The following GRIA3 variants were observed in gnomAD, a reference collection of about 807,000 sequenced individuals.
GRIA3 encodes the protein glutamate receptor 3.
In GRIA3, 3 loss-of-function variants were observed where a neutral mutation model predicts 63.0. The observed-to-expected ratio is 0.05, with a 90% CI of 0.02 to 0.12. The LOEUF (loss-of-function observed/expected upper bound fraction) is 0.12. Ranked by LOEUF, GRIA3 falls within the 10% of genes least tolerant of loss-of-function variation. The pLI is 1.00. For synonymous variants in GRIA3, 274 were observed against 257.9 expected, an observed-to-expected ratio of 1.06 and a Z score of -0.60; for missense variants, 347 against 700.9, an observed-to-expected ratio of 0.50 and a Z score of 5.70.
intron 1 of GRIA3, among the ~76,000 whole-genome samples, chrX:123,185,508 A>AGGGGGGGGGGGGGG (rs3216834): frequency 1.1e-3 from 46 of 40,964 alleles, no homozygotes; most frequent in African/African-American, 1.4e-3. Flanking sequence ...CGGGGGGCGG[A>AGGGGGGGGGGGGGG]GGGGGGGGGC....
intron 2 of GRIA3, among the ~76,000 whole-genome samples, chrX:123,240,962 T>C (rs1184295907): frequency 8.9e-6 from 1 of 112,072 alleles, no homozygotes; most frequent in Non-Finnish European, 1.9e-5. Context: ...CCAAAGTCAG[T>C]GTTAAGAATC....
intron 10 of GRIA3, among the ~76,000 whole-genome samples, chrX:123,416,713 G>T (rs2045538247): frequency 1.8e-5 from 2 of 112,567 alleles, no homozygotes; most frequent in Non-Finnish European, 3.8e-5. Flanking sequence ...CCTTGTTATT[G>T]CCCAGGCAAA....
chrX:123,186,791 TGGAGCA>T (rs1028953017), intron 2 of GRIA3, among the ~76,000 whole-genome samples: 28 of 111,465 alleles, frequency 2.5e-4, no homozygotes, highest in African/African-American at 8.2e-4. Flanking sequence ...AGAGGAGGCT[TGGAGCA>T]GGAAAACTGA....
intron 3 of GRIA3, among the ~76,000 whole-genome samples, chrX:123,280,115 A>T (rs918848406): frequency 1.8e-5 from 2 of 111,759 alleles, no homozygotes; most frequent in African/African-American, 3.3e-5. Context: ...AATCAAATGA[A>T]GATCAGCAGC....
chrX:123,189,301 G>C (rs924303243), intron 2 of GRIA3, among the ~76,000 whole-genome samples: 3 of 112,396 alleles, frequency 2.7e-5, no homozygotes, highest in Non-Finnish European at 5.6e-5. Context: ...TATATGAAGA[G>C]AGATGTATAC....
At chrX:123,376,081 T>G (rs5956542) in intron 5 of GRIA3, among the ~76,000 whole-genome samples, 43,112 of 110,529 alleles carry the variant, frequency 0.39, 6,550 homozygotes, top group Middle Eastern at 0.61. Flanking sequence ...AATATTAACA[T>G]TCCTAGCATA....
intron 3 of GRIA3, among the ~76,000 whole-genome samples, chrX:123,316,096 C>T (rs1314411734): frequency 1.4e-4 from 15 of 108,691 alleles, no homozygotes; most frequent in African/African-American, 4.4e-4. Flanking sequence ...AAATGTCAAA[C>T]TTTTATTCAT....
intron 5 of GRIA3, among the ~76,000 whole-genome samples, chrX:123,376,503 A>T (rs769350522): frequency 2.1e-4 from 24 of 112,263 alleles, no homozygotes; most frequent in African/African-American, 7.8e-4. Flanking sequence ...GTTTGCACAT[A>T]TCATGATAGA....
chrX:123,302,919 A>G (rs2044732619), intron 3 of GRIA3, among the ~76,000 whole-genome samples: 1 of 111,144 alleles, frequency 9.0e-6, no homozygotes, highest in Non-Finnish European at 1.9e-5. Context: ...TTAATATTAC[A>G]CACTCACAAT....
chrX:123,343,887 T>C (rs2045026474), intron 4 of GRIA3, among the ~76,000 whole-genome samples: 1 of 109,864 alleles, frequency 9.1e-6, no homozygotes, highest in African/African-American at 3.3e-5. Flanking sequence ...TGAGTAGAGA[T>C]AGGGATGGGA....
At chrX:123,359,476 A>G (rs1239969874) in intron 5 of GRIA3, among the ~76,000 whole-genome samples, 2 of 111,397 alleles carry the variant, frequency 1.8e-5, no homozygotes, top group African/African-American at 3.3e-5. Flanking sequence ...AATGCTGAGG[A>G]CACAAACAGG....
intron 12 of GRIA3, among the ~76,000 whole-genome samples, chrX:123,463,702 A>G (rs200208931): frequency 0.33 from 3,987 of 11,929 alleles, 450 homozygotes; most frequent in East Asian, 0.59. Context: ...AAGAAAGAAA[A>G]AGAAAGAAAG....
chrX:123,361,169 CA>C (rs2045171975), intron 5 of GRIA3: 2 of 111,575 alleles, frequency 1.8e-5, no homozygotes, highest in Non-Finnish European at 3.8e-5. Context: ...AGAGAGAAAA[CA>C]AGTTTAAATA....
chrX:123,484,711 G>A (rs985735827), intron 15 of GRIA3, among the ~76,000 whole-genome samples: 6 of 112,121 alleles, frequency 5.4e-5, no homozygotes, highest in Non-Finnish European at 9.4e-5. Flanking sequence ...TCCAACTCTT[G>A]ACTTCAAGTG....
At chrX:123,335,315 G>A (rs1280927479) in intron 4 of GRIA3, among the ~76,000 whole-genome samples, 1 of 111,338 alleles carries the variant, frequency 9.0e-6, no homozygotes, top group Non-Finnish European at 1.9e-5. Context: ...GTTTCTGGTT[G>A]ATCAAAGCTG....
intron 5 of GRIA3, among the ~76,000 whole-genome samples, chrX:123,377,668 A>G (rs930998066): frequency 2.7e-5 from 3 of 112,203 alleles, no homozygotes; most frequent in Admixed American, 1.9e-4. Flanking sequence ...ATAACAAGAA[A>G]GTATGAACCA....
chrX:123,277,571 G>A (rs918350370), intron 3 of GRIA3, among the ~76,000 whole-genome samples: 1 of 111,421 alleles, frequency 9.0e-6, no homozygotes, highest in Admixed American at 9.6e-5. Flanking sequence ...GCTCAAACTC[G>A]CCTCTCTCAG....
At chrX:123,226,961 G>T (rs1569403039) in intron 2 of GRIA3, among the ~76,000 whole-genome samples, 1 of 110,726 alleles carries the variant, frequency 9.0e-6, no homozygotes, top group Non-Finnish European at 1.9e-5. Flanking sequence ...ATTTATTTTA[G>T]ATTATGTTTT....
At chrX:123,221,127 G>A (rs1203904377) in intron 2 of GRIA3, among the ~76,000 whole-genome samples, 3 of 112,568 alleles carry the variant, frequency 2.7e-5, no homozygotes, top group African/African-American at 9.7e-5. Flanking sequence ...CACTAAAATG[G>A]AATCCAAACT....
Sources: allele counts gnomAD v4.1 joint callset (sites outside exome capture counted in the v4.1 genomes callset), GRCh38; gene constraint gnomAD v4.1.1; transcripts MANE v1.5; gene names NCBI Gene and HGNC (gene_info 2026-07-23, HGNC 2026-07-21).